Variants in CUBN observed in about 807,000 individuals in gnomAD.
CUBN encodes 460 kDa receptor.
Under a neutral mutation model 405.3 loss-of-function variants are expected in CUBN, and 282 were observed. The ratio of observed to expected loss-of-function variants is 0.70; its 90% CI spans 0.63 to 0.77. The LOEUF is 0.77. Among genes scored for constraint, CUBN ranks in the 30% least tolerant of loss-of-function variants. The probability of loss-of-function intolerance (pLI) is 0.00; values close to 1 mark genes in which losing one functional copy is unlikely to be tolerated. For synonymous variants in CUBN, 1,684 were observed against 1,617.0 expected (o/e 1.04, Z -0.99); for missense variants, 4,514 against 4,475.2 (o/e 1.01, Z -0.25).
chr10:17,084,388 G>C lies in CUBN; in HGVS notation c.2184C>G (p.Phe728Leu). 6.2e-7 allele frequency: 1 copy of C among 1,614,148 alleles called. No individual in the cohort carries two copies. The highest frequency in any genetic ancestry group is 8.5e-7 in the Non-Finnish European group (1 of 1,180,030). Residue 728 changes from phenylalanine to leucine, a missense_variant, in exon 17 of 67, where the codon TTC becomes TTG. Transcript: ENST00000377833. ...ELFLPELSGP[F>L]THTRQCVYMM... Reference sequence around the variant, plus strand: ...TATAGACGCATTGCCTGGTGTGAGTGAAAGGCCCAGACAACTCAGGCAAGA... The same window carrying C: ...TATAGACGCATTGCCTGGTGTGAGTCAAAGGCCCAGACAACTCAGGCAAGA...
At chr10:16,873,960 T>C (rs1188646718) in intron 58 of CUBN, among the ~76,000 whole-genome samples, 1 of 152,154 alleles carries the variant, frequency 6.6e-6, no homozygotes, top group African/African-American at 2.4e-5. Flanking sequence ...ATATGACTGT[T>C]TTAAGAATAC....
rs775573918 is a variant in CUBN at position 17,087,472 on chromosome 10, C to CTTTTTTTT, written c.1947+684_1947+691dup. Among the ~76,000 whole-genome samples, 329 of 71,702 alleles carry CTTTTTTTT rather than the reference C, an allele frequency of 4.6e-3. 34 individuals carry two copies. Among genetic ancestry groups the CTTTTTTTT allele is most frequent in the Middle Eastern group, 0.017 (1 of 58 alleles). 47.0% of individuals were successfully genotyped at this position (71,702 alleles called of 152,430 possible). The stretch of plus-strand genomic sequence containing the variant: ...CACAATCACTATTATTTTTCTTTTT[C>CTTTTTTTT]TTTTTTTTTTTTTTTTTTTTTTAGA... On this transcript the variant is annotated intron_variant, in intron 15 of 66. Transcript: ENST00000377833.
intron 44 of CUBN, among the ~76,000 whole-genome samples, chr10:16,919,313 G>A (rs1841971412): frequency 6.6e-6 from 1 of 152,216 alleles, no homozygotes; most frequent in African/African-American, 2.4e-5. Flanking sequence ...TGGAAAAGTA[G>A]TATTAGACCC....
intron 43 of CUBN, among the ~76,000 whole-genome samples, chr10:16,923,491 T>TA: frequency 6.6e-6 from 1 of 152,310 alleles, no homozygotes; most frequent in African/African-American, 2.4e-5. Flanking sequence ...AGGCTGGCTA[T>TA]AGTTATGGAA....
In CUBN at chr10:17,102,595, C is replaced by CT. The variant is rs11357524; in HGVS notation, c.1530+529dup. 3.7e-3 allele frequency among the ~76,000 whole-genome samples: 234 copies of CT among 63,138 alleles called. 16 individuals are homozygous for CT. Among genetic ancestry groups the CT allele is most frequent in the African/African-American group, 5.0e-3 (86 of 17,124 alleles). 41.4% of individuals were successfully genotyped at this position (63,138 alleles called of 152,430 possible). On this transcript the variant is annotated intron_variant, in intron 13 of 66. Coordinates refer to ENST00000377833, the MANE Select transcript of CUBN (RefSeq NM_001081.4). ...AGCCACCAGGCCTGGCCTTGTTACTCTTTTTTTTTTTTTTTTTTTTTTTTT... is the reference window on the plus strand; with the variant it reads ...AGCCACCAGGCCTGGCCTTGTTACTCTTTTTTTTTTTTTTTTTTTTTTTTTT...
chr10:17,029,739 A>G (rs945253149), intron 27 of CUBN, among the ~76,000 whole-genome samples: 2 of 152,192 alleles, frequency 1.3e-5, no homozygotes, highest in African/African-American at 4.8e-5. Context: ...CGGTGGAGCC[A>G]TAATCAAAGT....
At chr10:16,952,199 A>G in intron 33 of CUBN, 77 bp downstream of exon 33, 1 of 982,040 alleles carries the variant, frequency 1.0e-6, no homozygotes, top group Admixed American at 1.7e-5. Context: ...CTGAGATAAG[A>G]AGGTTACTCA....
At chr10:16,969,121 G>A (rs984299678) in intron 31 of CUBN, among the ~76,000 whole-genome samples, 10 of 152,160 alleles carry the variant, frequency 6.6e-5, no homozygotes, top group African/African-American at 1.7e-4. Context: ...CTCACAACAC[G>A]AAGATTGTAT....
Position 16,833,841 on chromosome 10 carries a change from C to T in CUBN, c.10362+1173G>A, listed in dbSNP as rs187950375. Among the ~76,000 whole-genome samples, 5 of 152,040 alleles carry T rather than the reference C, an allele frequency of 3.3e-5. No homozygotes were observed. The East Asian group carries it at 7.8e-4, about 24-fold the overall frequency. On this transcript the variant is annotated intron_variant, in intron 64 of 66. Transcript: ENST00000377833. ...GCTACAAAGGTCAAATCCTCTTGGG[C>T]AGCTTATTTTGAATGAAGACCTGAT...
chr10:17,122,338 T>G (rs180814367), intron 6 of CUBN: 5 of 260,414 alleles, frequency 1.9e-5, no homozygotes, highest in African/African-American at 9.1e-5. Flanking sequence ...TGGTCACATT[T>G]TGACATAGCA....
intron 27 of CUBN, among the ~76,000 whole-genome samples, chr10:17,026,436 A>T (rs1834664975): frequency 6.6e-6 from 1 of 152,108 alleles, no homozygotes; most frequent in South Asian, 2.1e-4. Flanking sequence ...GTTCAAGACC[A>T]GCCTGGGCAA....
Position 16,952,391 on chromosome 10 carries a change from TG to T in CUBN, c.4856-3del. 6.3e-7 allele frequency: 1 copy of T among 1,578,596 alleles called. No individual in the cohort carries two copies. The highest frequency in any genetic ancestry group is 8.7e-7 in the Non-Finnish European group (1 of 1,147,848). ...TGGTGAGGATGTGGCCTCCGCAGGC[TG>T]GGGAACACACAAACACACATACATG... On this transcript the variant is annotated splice_polypyrimidine_tract_variant and splice_region_variant and intron_variant, in intron 32 of 66. Transcript: ENST00000377833.
intron 46 of CUBN, 99 bp downstream of exon 46, chr10:16,915,722 G>T: frequency 1.0e-6 from 1 of 956,930 alleles, no homozygotes; most frequent in Non-Finnish European, 1.7e-6. Context: ...GCAGAGTATA[G>T]ATGTGCTTTT....
intron 52 of CUBN, 33 bp downstream of exon 52, chr10:16,901,305 T>C (rs777460905): frequency 6.2e-6 from 10 of 1,613,972 alleles, no homozygotes; most frequent in Non-Finnish European, 8.5e-6. Flanking sequence ...TTCTATTGTC[T>C]CAGAAGCATT....
intron 56 of CUBN, among the ~76,000 whole-genome samples, chr10:16,881,045 G>A (rs1013312974): frequency 6.6e-6 from 1 of 152,124 alleles, no homozygotes. Flanking sequence ...GACATCAAAA[G>A]CTCCACTGGA....
chr10:16,945,965 T>A (rs909535601), intron 36 of CUBN, among the ~76,000 whole-genome samples: 6 of 152,172 alleles, frequency 3.9e-5, no homozygotes, highest in Non-Finnish European at 8.8e-5. Flanking sequence ...ATAGGATAGT[T>A]GTCCCATATT....
chr10:17,080,226 C>T (rs1835937423), intron 17 of CUBN, among the ~76,000 whole-genome samples: 1 of 152,122 alleles, frequency 6.6e-6, no homozygotes, highest in African/African-American at 2.4e-5. Context: ...TACTTCCACA[C>T]ACTTGGGCAT....
intron 58 of CUBN, among the ~76,000 whole-genome samples, chr10:16,870,479 G>T (rs1840318485): frequency 6.6e-6 from 1 of 152,176 alleles, no homozygotes; most frequent in Non-Finnish European, 1.5e-5. Flanking sequence ...GCACTGGTAG[G>T]ATTGCCCTAG....
intron 45 of CUBN, 61 bp from the exon 46 acceptor site, chr10:16,916,091 T>C (rs1841876963): frequency 6.5e-7 from 1 of 1,543,076 alleles, no homozygotes; most frequent in Non-Finnish European, 8.9e-7. Flanking sequence ...AGATTGATTC[T>C]ATTACAAATT....
Sources: gnomAD v4.1 joint callset for allele counts (sites outside exome capture counted in the v4.1 genomes callset) on GRCh38, gnomAD v4.1.1 for gene constraint, MANE v1.5 for transcripts, NCBI Gene and HGNC (gene_info 2026-07-23, HGNC 2026-07-21) for gene names.